FBXL19: variants seen among roughly 807,000 people sequenced by gnomAD.
FBXL19 encodes the protein F-box and leucine rich repeat protein 19.
Under a neutral mutation model 71.2 loss-of-function variants are expected in FBXL19, and 16 were observed. That is an observed-to-expected ratio of 0.22 (90% CI 0.15 to 0.34). The LOEUF is 0.34. Ranked by LOEUF, FBXL19 falls within the 10% of genes least tolerant of loss-of-function variation. The pLI is 1.00. For missense variants in FBXL19, 658 were observed against 968.2 expected, an observed-to-expected ratio of 0.68 and a Z score of 4.25; for synonymous variants, 447 against 409.4, an observed-to-expected ratio of 1.09 and a Z score of -1.11.
In FBXL19 at chr16:30,946,680, C is replaced by T. The variant is rs779393221; in HGVS notation, c.1628-50C>T. 2.6e-5 allele frequency: 40 copies of T among 1,536,694 alleles called. No individual in the cohort carries two copies. The highest frequency in any genetic ancestry group is 3.6e-5 in the South Asian group (3 of 84,256). Reference sequence around the variant, plus strand: ...AGGGCAGATGGTCTGGATACCTGGGCGCAGGGATGGGAGTGGCCAGGAGTG... The same window carrying T: ...AGGGCAGATGGTCTGGATACCTGGGTGCAGGGATGGGAGTGGCCAGGAGTG... On this transcript the variant is annotated intron_variant, in intron 9 of 10. Coordinates refer to ENST00000338343, the MANE Select transcript of FBXL19 (RefSeq NM_001382779.1). This position sits in a 1 kb window ranked among gnomAD's most constrained non-coding sequence, Gnocchi z 6.7.
Position 30,947,771 on chromosome 16 carries a change from T to A in FBXL19, c.*541T>A. On this transcript the variant is annotated 3_prime_UTR_variant, in exon 11 of 11. Transcript: ENST00000338343. ...AACCAGGGGCAAGCTGGGGCTGAGCTGGAGGTGGGGATGAGAGCAGGTGTG... is the reference window on the plus strand; with the variant it reads ...AACCAGGGGCAAGCTGGGGCTGAGCAGGAGGTGGGGATGAGAGCAGGTGTG... 2.5e-6 allele frequency: 1 copy of A among 406,148 alleles called. No homozygotes were observed. The highest frequency in any genetic ancestry group is 3.5e-4 in the Middle Eastern group (1 of 2,842). The allele number at this position is 406,148 out of a possible 1,614,324, so 25.2% of individuals were successfully genotyped here.
chr16:30,926,507 C>G (rs1182243272), intron 2 of FBXL19, among the ~76,000 whole-genome samples: 1 of 152,134 alleles, frequency 6.6e-6, no homozygotes, highest in East Asian at 1.9e-4. Context: ...CCCTGCCTTC[C>G]TCATCCTTTG....
intron 7 of FBXL19, among the ~76,000 whole-genome samples, chr16:30,933,208 G>T (rs1311469542): frequency 6.6e-6 from 1 of 152,104 alleles, no homozygotes; most frequent in Non-Finnish European, 1.5e-5. Flanking sequence ...TCACCATGTT[G>T]GTCAGGCTGG....
In FBXL19 at chr16:30,947,993, C is replaced by G. The variant is rs977671054; in HGVS notation, c.*763C>G. The G allele has an allele frequency of 3.2e-5, 12 of 379,776 alleles. No homozygotes were observed. Among genetic ancestry groups the G allele is most frequent in the South Asian group, 2.3e-4 (12 of 52,264 alleles). The allele number at this position is 379,776 out of a possible 1,614,324, so 23.5% of individuals were successfully genotyped here. Reference sequence around the variant, plus strand: ...GCGCCCCAACCCCCTGCCCGCCTCTCCGCACAATACTTGAACATTCATCTG... The same window carrying G: ...GCGCCCCAACCCCCTGCCCGCCTCTGCGCACAATACTTGAACATTCATCTG... On this transcript the variant is annotated 3_prime_UTR_variant, in exon 11 of 11. Transcript: ENST00000338343.
intron 7 of FBXL19, among the ~76,000 whole-genome samples, chr16:30,932,689 A>C (rs886645292): frequency 1.3e-5 from 2 of 152,128 alleles, no homozygotes; most frequent in African/African-American, 2.4e-5. Context: ...CCTGGAGGGT[A>C]CTAAACACTC....
intron 7 of FBXL19, among the ~76,000 whole-genome samples, chr16:30,932,030 C>T (rs923835898): frequency 2.6e-5 from 4 of 151,998 alleles, no homozygotes; most frequent in African/African-American, 9.7e-5. Context: ...CATGAGCTAC[C>T]GGTTATGGTT....
intron 7 of FBXL19, among the ~76,000 whole-genome samples, chr16:30,933,238 G>C (rs1459959673): frequency 6.6e-6 from 1 of 152,040 alleles, no homozygotes; most frequent in Non-Finnish European, 1.5e-5. Context: ...CCTGACCTCA[G>C]GTGATTCGCC....
Position 30,946,112 on chromosome 16 carries a change from G to A in FBXL19, c.1628-618G>A, listed in dbSNP as rs965097641. ...TGCTCAGCTTCTGGGGAAGCCTCAC[G>A]TAGCTTTTACTCTTGATGGAACGTG... On this transcript the variant is annotated intron_variant, in intron 9 of 10. Transcript: ENST00000338343. This position sits in a 1 kb window ranked among gnomAD's most constrained non-coding sequence, Gnocchi z 6.7. Among the ~76,000 whole-genome samples the A allele has an allele frequency of 1.3e-5, 2 of 152,154 alleles. No homozygotes were observed. Among genetic ancestry groups the A allele is most frequent in the African/African-American group, 2.4e-5 (1 of 41,422 alleles).
In FBXL19 at chr16:30,925,158, C is replaced by T. The variant is rs934093405; in HGVS notation, c.-24-573C>T. The stretch of plus-strand genomic sequence containing the variant: ...GTTAGGGACTTGGGGGCAAGGATCT[C>T]GCTGGATCTGGTGAGGATAACTGGG... On this transcript the variant is annotated intron_variant, in intron 1 of 10. Coordinates refer to ENST00000338343, the MANE Select transcript of FBXL19 (RefSeq NM_001382779.1). This position sits in a 1 kb window ranked among gnomAD's most constrained non-coding sequence, Gnocchi z 5.0. Among the ~76,000 whole-genome samples, 2 of 151,346 alleles carry T rather than the reference C, an allele frequency of 1.3e-5. No homozygotes were observed. Among genetic ancestry groups the T allele is most frequent in the African/African-American group, 4.9e-5 (2 of 41,066 alleles).
intron 5 of FBXL19, among the ~76,000 whole-genome samples, 186 bp downstream of exon 5, chr16:30,928,149 G>A (rs1244535148): frequency 6.6e-6 from 1 of 151,208 alleles, no homozygotes; most frequent in Non-Finnish European, 1.5e-5. Flanking sequence ...AGGAGGGGGG[G>A]GACAGGTGAG....
At position 30,925,612 on chromosome 16, in the gene FBXL19, CCTT is replaced by C. The variant is rs1364693162; in HGVS notation, c.-24-118_-24-116del. The C allele has an allele frequency of 2.6e-6, 3 of 1,135,406 alleles. No individual in the cohort carries two copies. Among genetic ancestry groups the C allele is most frequent in the Non-Finnish European group, 3.5e-6 (3 of 862,660 alleles). The allele number at this position is 1,135,406 out of a possible 1,614,324, so 70.3% of individuals were successfully genotyped here. A position where few individuals can be genotyped will look rare whatever the true frequency, so the allele number is the denominator to read the frequency against. On this transcript the variant is annotated intron_variant, in intron 1 of 10. Coordinates refer to ENST00000338343, the MANE Select transcript of FBXL19 (RefSeq NM_001382779.1). This position sits in a 1 kb window ranked among gnomAD's most constrained non-coding sequence, Gnocchi z 5.0. Reference sequence around the variant, plus strand: ...CCAGATACACAGAAGGGGGTGACCTCCTTGTCCCCCTGAGGAAGAGGGCAGGCT... The same window carrying C: ...CCAGATACACAGAAGGGGGTGACCTCGTCCCCCTGAGGAAGAGGGCAGGCT...
intron 7 of FBXL19, among the ~76,000 whole-genome samples, chr16:30,932,021 A>T (rs192052386): frequency 1.1e-4 from 16 of 151,910 alleles, no homozygotes; most frequent in African/African-American, 3.9e-4. Context: ...GATTACAGGC[A>T]TGAGCTACCG....
intron 9 of FBXL19, among the ~76,000 whole-genome samples, chr16:30,945,938 A>G (rs1317317418): frequency 6.6e-6 from 1 of 151,970 alleles, no homozygotes; most frequent in Non-Finnish European, 1.5e-5. Flanking sequence ...AGAGGAAAAA[A>G]TGATGCAAGG....
At chr16:30,924,808 C>G (rs374179514) in intron 1 of FBXL19, 8 of 1,396,260 alleles carry the variant, frequency 5.7e-6, no homozygotes, top group Non-Finnish European at 6.6e-6. Flanking sequence ...GCTTCTAATT[C>G]CACATGGGAT....
intron 7 of FBXL19, among the ~76,000 whole-genome samples, chr16:30,935,730 CG>C (rs1345199135): frequency 6.6e-6 from 1 of 152,042 alleles, no homozygotes; most frequent in Non-Finnish European, 1.5e-5. Context: ...TCCCTGTTCC[CG>C]GGGGCTTCTG....
intron 7 of FBXL19, among the ~76,000 whole-genome samples, chr16:30,940,740 C>T (rs1176932896): frequency 2.0e-5 from 3 of 151,972 alleles, no homozygotes; most frequent in African/African-American, 4.8e-5. Context: ...GATCTCGGCT[C>T]GCTGCAATCT....
rs2143295466 is a variant in FBXL19, at chr16:30,923,986, C to T, written c.-498C>T. ...AACCGGCGGTGGGCGGGCTTGAACC[C>T]CGGAAACGGTGGGGGGGGCCCAGGC... On this transcript the variant is annotated 5_prime_UTR_variant, in exon 1 of 11. Coordinates refer to ENST00000338343, the MANE Select transcript of FBXL19 (RefSeq NM_001382779.1). The T allele has an allele frequency of 6.6e-6, 1 of 151,478 alleles. No individual in the cohort carries two copies. Among genetic ancestry groups the T allele is most frequent in the South Asian group, 2.1e-4 (1 of 4,822 alleles). 9.4% of individuals were successfully genotyped at this position (151,478 alleles called of 1,614,324 possible). A position where few individuals can be genotyped will look rare whatever the true frequency, so the allele number is the denominator to read the frequency against.
At chr16:30,934,311 G>A (rs1335205999) in intron 7 of FBXL19, among the ~76,000 whole-genome samples, 5 of 150,164 alleles carry the variant, frequency 3.3e-5, no homozygotes, top group East Asian at 2.0e-4. Context: ...GCAGTGGGCC[G>A]AGATCACACC....
In FBXL19 at chr16:30,923,702, C is replaced by A. The variant is rs1162649424; in HGVS notation, c.-782C>A. ...AACTGCCCCCTTCCCCTTTCCCTCTCCCCCTCTATCCTTTCCTTCCACCCT... is the reference window on the plus strand; with the variant it reads ...AACTGCCCCCTTCCCCTTTCCCTCTACCCCTCTATCCTTTCCTTCCACCCT... On this transcript the variant is annotated 5_prime_UTR_variant, in exon 1 of 11. Transcript: ENST00000338343. 6.6e-6 allele frequency among the ~76,000 whole-genome samples: 1 copy of A among 151,798 alleles called. No homozygotes were observed. Among genetic ancestry groups the A allele is most frequent in the Non-Finnish European group, 1.5e-5 (1 of 67,880 alleles).
Sources: gnomAD v4.1 joint callset for allele counts (sites outside exome capture counted in the v4.1 genomes callset) on GRCh38, gnomAD v4.1.1 for gene constraint, Gnocchi (gnomAD v3.1) non-coding constraint, MANE v1.5 for transcripts, NCBI Gene and HGNC (gene_info 2026-07-23, HGNC 2026-07-21) for gene names.